MLX: variants seen among roughly 807,000 people sequenced by gnomAD.
MLX encodes max-like protein X.
MLX carries 15 observed loss-of-function variants against 33.0 expected under a neutral mutation model. The ratio of observed to expected loss-of-function variants is 0.45; its 90% CI spans 0.30 to 0.70. MLX has a LOEUF of 0.70. Among genes scored for constraint, MLX ranks in the 30% least tolerant of loss-of-function variants. MLX has a pLI of 0.07. For synonymous variants in MLX, 115 were observed against 115.6 expected, an observed-to-expected ratio of 0.99 and a Z score of 0.03; for missense variants, 285 against 306.3, an observed-to-expected ratio of 0.93 and a Z score of 0.52.
chr17:42,571,310 T>C (rs531420945), intron 7 of MLX, among the ~76,000 whole-genome samples: 11 of 152,174 alleles, frequency 7.2e-5, no homozygotes, highest in African/African-American at 2.6e-4. Flanking sequence ...ATTTTTGTAT[T>C]TTTAGTAGAG....
rs1269686282 is a variant in MLX at position 42,572,542 on chromosome 17, G to C, written c.*939G>C. 8.8e-6 allele frequency: 4 copies of C among 453,628 alleles called. No homozygotes were observed. Among genetic ancestry groups the C allele is most frequent in the Non-Finnish European group, 1.8e-5 (4 of 226,512 alleles). The allele number at this position is 453,628 out of a possible 1,614,324, so 28.1% of individuals were successfully genotyped here. On this transcript the variant is annotated 3_prime_UTR_variant, in exon 8 of 8. Transcript: ENST00000435881. Reference sequence around the variant, plus strand: ...ACAAGCCCAGCAGGTCCTGAGTGAAGCCGTGGGCCCTCCAAATGCTCGTTT... The same window carrying C: ...ACAAGCCCAGCAGGTCCTGAGTGAACCCGTGGGCCCTCCAAATGCTCGTTT...
In MLX at chr17:42,571,656, G is replaced by C. The variant is rs375639468; in HGVS notation, c.*53G>C. On this transcript the variant is annotated 3_prime_UTR_variant, in exon 8 of 8. Coordinates refer to ENST00000435881, the MANE Select transcript of MLX (RefSeq NM_198204.2). ...CAACAAGAGGCCCTTGAATCTCTACGTGGCCACTGAACTGCTGGGCCCGGG... is the reference window on the plus strand; with the variant it reads ...CAACAAGAGGCCCTTGAATCTCTACCTGGCCACTGAACTGCTGGGCCCGGG... 1.3e-6 allele frequency: 2 copies of C among 1,554,856 alleles called. No homozygotes were observed. Among genetic ancestry groups the C allele is most frequent in the East Asian group, 2.2e-5 (1 of 44,650 alleles).
At chr17:42,568,594 T>C (rs1418196126) in intron 3 of MLX, 35 bp downstream of exon 3, 1 of 1,552,376 alleles carries the variant, frequency 6.4e-7, no homozygotes, top group Non-Finnish European at 8.9e-7. Context: ...CTCGGGGGGC[T>C]CAGATATGTC....
chr17:42,567,878 C>A, intron 2 of MLX: 1 of 600,976 alleles, frequency 1.7e-6, no homozygotes, highest in African/African-American at 1.9e-5. Flanking sequence ...TCACTCACCA[C>A]TCAGTGGAGC....
At chr17:42,567,528 T>TG (rs1268755941) in intron 1 of MLX, 91 bp from the exon 2 acceptor site, 27 of 1,592,242 alleles carry the variant, frequency 1.7e-5, no homozygotes, top group Non-Finnish European at 2.3e-5. Context: ...CTTCCCGGAA[T>TG]GGGGGGCGCG....
In MLX at chr17:42,572,273, A is replaced by G. The variant is rs896002839; in HGVS notation, c.*670A>G. 1 of 425,906 alleles carries G rather than the reference A, an allele frequency of 2.3e-6. No homozygotes were observed. The highest frequency in any genetic ancestry group is 1.7e-5 in the South Asian group (1 of 59,080). 26.4% of individuals were successfully genotyped at this position (425,906 alleles called of 1,614,324 possible). A position where few individuals can be genotyped will look rare whatever the true frequency, so the allele number is the denominator to read the frequency against. On this transcript the variant is annotated 3_prime_UTR_variant, in exon 8 of 8. Transcript: ENST00000435881. ...GAAGCCCTCCCGGTTCCCACAGGCTATGATGCTGCATGGCAGAGGCAGGTA... is the reference window on the plus strand; with the variant it reads ...GAAGCCCTCCCGGTTCCCACAGGCTGTGATGCTGCATGGCAGAGGCAGGTA...
chr17:42,568,424 A>G (rs187699907), intron 2 of MLX, 46 bp from the exon 3 acceptor site: 10 of 1,410,992 alleles, frequency 7.1e-6, no homozygotes, highest in South Asian at 3.5e-5. Flanking sequence ...GGGTCTGGCA[A>G]TGTTCCCCAC....
intron 6 of MLX, 148 bp from the exon 7 acceptor site, chr17:42,569,834 G>C (rs566602704): frequency 3.9e-6 from 3 of 778,580 alleles, no homozygotes; most frequent in Non-Finnish European, 6.3e-6. Context: ...CACCTTTCCT[G>C]ACCTGGAAGC....
At position 42,568,924 on chromosome 17, in the gene MLX, A is replaced by G. The variant is rs2093020141; in HGVS notation, c.257A>G (p.Lys86Arg). 6.2e-7 allele frequency: 1 copy of G among 1,610,108 alleles called. No homozygotes were observed. Among genetic ancestry groups the G allele is most frequent in the South Asian group, 1.1e-5 (1 of 90,438 alleles). The stretch of plus-strand genomic sequence containing the variant: ...CGCGCACACACTCAGGCTGAGCAGA[A>G]GAGGAGGGACGCCATCAAGGTGAAC... ...RRRAHTQAEQ[K>R]RRDAIKRGYD... The change falls in exon 4 of 8, where the codon AAG becomes AGG. Residue 86 changes from lysine (K) to arginine (R), a missense_variant. By Grantham distance (26) the Lys-to-Arg change is conservative. Coordinates refer to ENST00000435881, the MANE Select transcript of MLX (RefSeq NM_198204.2).
rs759537997 is a variant in MLX, at chr17:42,571,554, G to C, written c.686G>C (p.Arg229Pro). The change falls in exon 8 of 8, where the codon CGG becomes CCG. Residue 229 changes from arginine (R) to proline (P), a missense_variant. Arg to Pro is a moderately radical substitution (Grantham distance 103). Transcript: ENST00000435881. ...IEEHCKPQTL[R>P]EIVIGVLHQL... ...CTCTGCTGCCCTCGCCAGACCCTGCGGGAGATTGTGATTGGCGTCCTGCAC... is the reference window on the plus strand; with the variant it reads ...CTCTGCTGCCCTCGCCAGACCCTGCCGGAGATTGTGATTGGCGTCCTGCAC... The C allele has an allele frequency of 6.2e-7, 1 of 1,614,118 alleles. No individual in the cohort carries two copies.
chr17:42,570,801 G>A (rs1414023484), intron 7 of MLX, among the ~76,000 whole-genome samples: 1 of 151,844 alleles, frequency 6.6e-6, no homozygotes, highest in African/African-American at 2.4e-5. Context: ...GACTACAGGC[G>A]TGTGCCACCA....
At position 42,569,499 on chromosome 17, in the gene MLX, C is replaced by A; in HGVS notation, c.377-8C>A. On this transcript the variant is annotated splice_polypyrimidine_tract_variant and splice_region_variant and intron_variant, in intron 5 of 7. Transcript: ENST00000435881. Reference sequence around the variant, plus strand: ...GTACCTGTCCTTTTTTTCTTGCCCCCACCCTAGCCATTGACTACATTCAGT... The same window carrying A: ...GTACCTGTCCTTTTTTTCTTGCCCCAACCCTAGCCATTGACTACATTCAGT... 6.2e-7 allele frequency: 1 copy of A among 1,611,646 alleles called. No individual in the cohort carries two copies. Among genetic ancestry groups the A allele is most frequent in the Non-Finnish European group, 8.5e-7 (1 of 1,177,864 alleles).
At chr17:42,571,240 C>T (rs1242438008) in intron 7 of MLX, among the ~76,000 whole-genome samples, 2 of 150,284 alleles carry the variant, frequency 1.3e-5, no homozygotes, top group Admixed American at 6.7e-5. Flanking sequence ...TGGGTTCAGG[C>T]GATTCTCATA....
chr17:42,567,573 CT>C (rs2093013586), intron 1 of MLX, 45 bp from the exon 2 acceptor site: 2 of 1,613,240 alleles, frequency 1.2e-6, no homozygotes, highest in Non-Finnish European at 1.7e-6. Context: ...GCGCCTCCCC[CT>C]AGGGGCGGAG....
At position 42,569,592 on chromosome 17, in the gene MLX, A is replaced by G. The variant is rs757128415; in HGVS notation, c.462A>G (p.Leu154=). The G allele has an allele frequency of 1.2e-6, 2 of 1,613,796 alleles. No individual in the cohort carries two copies. Among genetic ancestry groups the G allele is most frequent in the Admixed American group, 1.7e-5 (1 of 60,012 alleles). ...CGTTACGCAAGGATGTCACCGCCCTAAAGATCATGAAAGTGTAAGAGGGGT... is the reference window on the plus strand; with the variant it reads ...CGTTACGCAAGGATGTCACCGCCCTGAAGATCATGAAAGTGTAAGAGGGGT... The part of the protein sequence containing the change: ...VSTLRKDVTA[L]KIMKVNYEQI... The change falls in exon 6 of 8, where the codon CTA becomes CTG. Residue 154 remains leucine (L), a synonymous_variant. Transcript: ENST00000435881.
intron 6 of MLX, 66 bp downstream of exon 6, chr17:42,569,672 G>A: frequency 1.6e-6 from 2 of 1,245,160 alleles, no homozygotes; most frequent in South Asian, 1.2e-5. Context: ...ACCCTCCCTT[G>A]TTCAAAGGCC....
At chr17:42,568,013 TG>T (rs1463797679) in intron 2 of MLX, 1 of 317,154 alleles carries the variant, frequency 3.2e-6, no homozygotes, top group Non-Finnish European at 5.9e-6. Context: ...TGGCAGGAAG[TG>T]GGGGGCCCAG....
chr17:42,568,440 C>G, intron 2 of MLX, 30 bp from the exon 3 acceptor site: 1 of 1,540,998 alleles, frequency 6.5e-7, no homozygotes, highest in Non-Finnish European at 9.0e-7. Flanking sequence ...CCCACCCCAC[C>G]CCTTAGTGAT....
chr17:42,568,971 A>G, intron 4 of MLX, 28 bp downstream of exon 4: 1 of 1,583,822 alleles, frequency 6.3e-7, no homozygotes, highest in South Asian at 1.1e-5. Context: ...TGCCTCAGCC[A>G]GTGCGGGAGG....
Sources: gnomAD v4.1 joint callset for allele counts (sites outside exome capture counted in the v4.1 genomes callset) on GRCh38, gnomAD v4.1.1 for gene constraint, MANE v1.5 for transcripts, NCBI Gene and HGNC (gene_info 2026-07-23, HGNC 2026-07-21) for gene names.